Variants in SRBD1 observed in about 807,000 individuals in gnomAD.
The protein encoded by SRBD1 is S1 RNA binding domain 1, also known as S1 RNA-binding domain-containing protein 1.
SRBD1 carries 88 observed loss-of-function variants against 115.3 expected under a neutral mutation model. That is an observed-to-expected ratio of 0.76 (90% CI 0.64 to 0.91). The LOEUF is 0.91. Among genes scored for constraint, SRBD1 ranks in the 40% least tolerant of loss-of-function variants. The pLI, the probability that SRBD1 is intolerant of heterozygous loss-of-function variation, is 0.00. For missense variants in SRBD1, 1,385 were observed against 1,177.4 expected, an observed-to-expected ratio of 1.18 and a Z score of -2.58; for synonymous variants, 509 against 407.7, an observed-to-expected ratio of 1.25 and a Z score of -2.99.
At chr2:45,475,424 C>G (rs375536564) in intron 16 of SRBD1, among the ~76,000 whole-genome samples, 17 of 152,288 alleles carry the variant, frequency 1.1e-4, no homozygotes, top group East Asian at 5.8e-4. Context: ...TGCCACCCCC[C>G]CTTGCTTAAA....
intron 14 of SRBD1, chr2:45,546,124 A>C (rs778424585): frequency 6.1e-6 from 6 of 976,908 alleles, no homozygotes; most frequent in Non-Finnish European, 7.3e-6. Flanking sequence ...TTGAGATCCA[A>C]AGAGGAAGTA....
At chr2:45,494,177 A>T (rs1670386375) in intron 14 of SRBD1, among the ~76,000 whole-genome samples, 3 of 152,226 alleles carry the variant, frequency 2.0e-5, no homozygotes, top group Admixed American at 6.5e-5. Context: ...ATGATAAATT[A>T]TTAAGTTAAA....
At chr2:45,602,154 A>C (rs933922909) in intron 2 of SRBD1, 71 bp from the exon 3 acceptor site, 1 of 1,507,806 alleles carries the variant, frequency 6.6e-7, no homozygotes, top group Non-Finnish European at 8.9e-7. Context: ...AAGAGATGCA[A>C]GATTCTTGAA....
intron 14 of SRBD1, among the ~76,000 whole-genome samples, chr2:45,500,580 G>A (rs1231206592): frequency 6.6e-6 from 1 of 151,870 alleles, no homozygotes; most frequent in East Asian, 1.9e-4. Flanking sequence ...ATGCCATCAT[G>A]CCCAGCTAAT....
intron 1 of SRBD1, among the ~76,000 whole-genome samples, chr2:45,610,688 C>T (rs752628631): frequency 3.3e-5 from 5 of 152,192 alleles, no homozygotes; most frequent in Non-Finnish European, 5.9e-5. Context: ...ACAGAAGGTG[C>T]AGTTGATTCA....
At chr2:45,534,438 T>A (rs530242351) in intron 14 of SRBD1, among the ~76,000 whole-genome samples, 36 of 151,928 alleles carry the variant, frequency 2.4e-4, no homozygotes, top group African/African-American at 8.2e-4. Context: ...GGCAACAAAA[T>A]TCTAGAATGT....
At chr2:45,475,665 T>C (rs1199941630) in intron 16 of SRBD1, among the ~76,000 whole-genome samples, 1 of 152,202 alleles carries the variant, frequency 6.6e-6, no homozygotes, top group African/African-American at 2.4e-5. Flanking sequence ...TAATTCCTCT[T>C]CACTATAATG....
intron 16 of SRBD1, among the ~76,000 whole-genome samples, chr2:45,457,455 C>T (rs1333693795): frequency 2.0e-5 from 3 of 151,878 alleles, no homozygotes; most frequent in Non-Finnish European, 4.4e-5. Context: ...CACAGCTGTG[C>T]ATATGAAAAT....
chr2:45,395,813 T>A (rs767972338), intron 19 of SRBD1, among the ~76,000 whole-genome samples: 1 of 152,236 alleles, frequency 6.6e-6, no homozygotes, highest in Non-Finnish European at 1.5e-5. Context: ...TTATGCTTAG[T>A]AGCCATTCAA....
In SRBD1 at chr2:45,442,613, T is replaced by TCCTTAAA. The variant is rs1558397833; in HGVS notation, c.2050-22720_2050-22719insTTTAAGG. Among the ~76,000 whole-genome samples the TCCTTAAA allele has an allele frequency of 2.0e-5, 3 of 152,232 alleles. No homozygotes were observed. The East Asian group carries it at 5.8e-4, about 29-fold the overall frequency. On this transcript the variant is annotated intron_variant, in intron 16 of 20. Transcript: ENST00000263736. ...ATCCTACGGTATAGGAACCAAATGTTGGTCCTTAAAGAAACAGCTATATGA... is the reference window on the plus strand; with the variant it reads ...ATCCTACGGTATAGGAACCAAATGTTCCTTAAAGGTCCTTAAAGAAACAGCTATATGA...
chr2:45,573,415 A>G (rs1210333412), intron 8 of SRBD1, 73 bp from the exon 9 acceptor site: 2 of 1,495,358 alleles, frequency 1.3e-6, no homozygotes, highest in East Asian at 4.9e-5. Context: ...ATATAGAAAT[A>G]AGGATAGCAA....
chr2:45,606,536 T>C (rs776701195), intron 1 of SRBD1, among the ~76,000 whole-genome samples: 1 of 152,178 alleles, frequency 6.6e-6, no homozygotes, highest in Non-Finnish European at 1.5e-5. Flanking sequence ...GCTGATTGAC[T>C]GAGTAAGCAG....
At chr2:45,486,186 G>A (rs887413587) in intron 15 of SRBD1, among the ~76,000 whole-genome samples, 27 of 152,140 alleles carry the variant, frequency 1.8e-4, no homozygotes, top group African/African-American at 6.0e-4. Flanking sequence ...ATGGGCCAGT[G>A]GTTAAGAAGA....
intron 14 of SRBD1, among the ~76,000 whole-genome samples, chr2:45,496,357 T>C (rs796966461): frequency 2.6e-5 from 4 of 152,134 alleles, no homozygotes; most frequent in African/African-American, 9.6e-5. Flanking sequence ...TCTAATATTT[T>C]GCTATATTTT....
rs185079504 is a variant in SRBD1 at position 45,609,353 on chromosome 2, C to T, written c.-1+1866G>A. On this transcript the variant is annotated intron_variant, in intron 1 of 20. Transcript: ENST00000263736. ...TCCTCCTCCAAAATGTCTTGAATCT[C>T]CACGATCTTCAGTGAGCCTTTAGTC... Among the ~76,000 whole-genome samples the T allele has an allele frequency of 1.4e-4, 21 of 152,284 alleles. No homozygotes were observed. The East Asian group carries it at 4.1e-3, about 29-fold the overall frequency.
intron 15 of SRBD1, among the ~76,000 whole-genome samples, chr2:45,487,707 T>C (rs1040100075): frequency 2.6e-5 from 4 of 152,092 alleles, no homozygotes; most frequent in Admixed American, 2.0e-4. Context: ...CAGGCTGGAG[T>C]GCAGTGGCAC....
At chr2:45,441,946 G>C (rs886424653) in intron 16 of SRBD1, among the ~76,000 whole-genome samples, 2 of 152,286 alleles carry the variant, frequency 1.3e-5, no homozygotes, top group East Asian at 3.9e-4. Context: ...AGGTTTTTAG[G>C]TCAATAAAGA....
In SRBD1 at chr2:45,501,445, G is replaced by A. The variant is rs565172807; in HGVS notation, c.1875-13114C>T. Among the ~76,000 whole-genome samples, 86 of 152,192 alleles carry A rather than the reference G, an allele frequency of 5.7e-4. 1 individual carries two copies. The highest frequency in any genetic ancestry group is 1.1e-3 in the Admixed American group (17 of 15,290). On this transcript the variant is annotated intron_variant, in intron 14 of 20. Coordinates refer to ENST00000263736, the MANE Select transcript of SRBD1 (RefSeq NM_018079.5). Reference sequence around the variant, plus strand: ...TGGGTTCATCTCACTGGGGCTTGTCGGACAGTGGGTGCAGCCCACCAAGCG... The same window carrying A: ...TGGGTTCATCTCACTGGGGCTTGTCAGACAGTGGGTGCAGCCCACCAAGCG...
rs894014376 is a variant in SRBD1, at chr2:45,545,547, G to T, written c.1874+1185C>A. The stretch of plus-strand genomic sequence containing the variant: ...ACAAGTTAAAAAAAAATCAGAGAAG[G>T]TACCTGAAATAAACTGAACCAGCTA... On this transcript the variant is annotated intron_variant, in intron 14 of 20. Transcript: ENST00000263736. 2.6e-5 allele frequency among the ~76,000 whole-genome samples: 4 copies of T among 152,058 alleles called. 1 individual carries two copies. The highest frequency in any genetic ancestry group is 9.7e-5 in the African/African-American group (4 of 41,394).
Sources: allele counts gnomAD v4.1 joint callset (sites outside exome capture counted in the v4.1 genomes callset), GRCh38; gene constraint gnomAD v4.1.1; transcripts MANE v1.5; gene names NCBI Gene and HGNC (gene_info 2026-07-23, HGNC 2026-07-21).